THSD4: variants seen among roughly 807,000 people sequenced by gnomAD.
THSD4 encodes thrombospondin type-1 domain-containing protein 4.
In THSD4, 69 loss-of-function variants were observed where a neutral mutation model predicts 119.0. The ratio of observed to expected loss-of-function variants is 0.58; its 90% CI spans 0.48 to 0.71. The LOEUF is 0.71. Among genes scored for constraint, THSD4 ranks in the 30% least tolerant of loss-of-function variants. The pLI, the probability that THSD4 is intolerant of heterozygous loss-of-function variation, is 0.00. For synonymous variants in THSD4, 524 were observed against 540.4 expected (o/e 0.97, Z 0.42); for missense variants, 1,393 against 1,391.1 (o/e 1.00, Z -0.02).
chr15:71,777,686 C>T lies in THSD4; in HGVS notation c.*312C>T, dbSNP rs1158788329. 2 of 345,012 alleles carry T rather than the reference C, an allele frequency of 5.8e-6. No homozygotes were observed. The highest frequency in any genetic ancestry group is 4.1e-5 in the African/African-American group (2 of 48,336). 21.4% of individuals were successfully genotyped at this position (345,012 alleles called of 1,614,324 possible). ...TACATGGAGCTCTCAGCCCTGCTCCCATCTGGCACCTTCAAGTCAGCAGAT... is the reference window on the plus strand; with the variant it reads ...TACATGGAGCTCTCAGCCCTGCTCCTATCTGGCACCTTCAAGTCAGCAGAT... On this transcript the variant is annotated 3_prime_UTR_variant, in exon 18 of 18. Coordinates refer to ENST00000261862, the MANE Select transcript of THSD4 (RefSeq NM_024817.3).
At chr15:71,265,774 A>C (rs936631228) in intron 6 of THSD4, among the ~76,000 whole-genome samples, 1 of 151,792 alleles carries the variant, frequency 6.6e-6, no homozygotes, top group Admixed American at 6.6e-5. Context: ...GTGGGGGGGG[A>C]GGGGCATCTG....
intron 6 of THSD4, among the ~76,000 whole-genome samples, chr15:71,269,716 C>A (rs2044507230): frequency 6.6e-6 from 1 of 152,046 alleles, no homozygotes; most frequent in Non-Finnish European, 1.5e-5. Context: ...GTCTTAACCC[C>A]AAATCTCCTT....
chr15:71,735,470 CTT>C lies in THSD4; in HGVS notation c.1631-2260_1631-2259del, dbSNP rs1491523919. Among the ~76,000 whole-genome samples, 640 of 133,146 alleles carry C rather than the reference CTT, an allele frequency of 4.8e-3. 4 individuals are homozygous for C. Among genetic ancestry groups the C allele is most frequent in the East Asian group, 0.03 (128 of 4,322 alleles). 87.3% of individuals were successfully genotyped at this position (133,146 alleles called of 152,430 possible). A position where few individuals can be genotyped will look rare whatever the true frequency, so the allele number is the denominator to read the frequency against. On this transcript the variant is annotated intron_variant, in intron 10 of 17. Transcript: ENST00000261862. ...TTTCTCACTCTCTCTCTCTCTCTCT[CTT>C]TCTCACTAGCTCTCTGTCTTGCTCT... is the stretch of plus-strand genomic sequence containing the variant.
chr15:71,299,981 A>G (rs2044925834), intron 6 of THSD4, among the ~76,000 whole-genome samples: 1 of 81,650 alleles, frequency 1.2e-5, no homozygotes, highest in Non-Finnish European at 2.7e-5. Flanking sequence ...AAAAAAATAT[A>G]TATATATATA....
chr15:71,748,704 G>A (rs981145136), intron 14 of THSD4, 110 bp downstream of exon 14: 22 of 1,356,786 alleles, frequency 1.6e-5, no homozygotes, highest in Admixed American at 7.5e-5. Flanking sequence ...TTCTGGCTCT[G>A]GGGGGAAAAA....
intron 7 of THSD4, among the ~76,000 whole-genome samples, chr15:71,412,236 C>A (rs1289412371): frequency 6.6e-6 from 1 of 152,184 alleles, no homozygotes; most frequent in Non-Finnish European, 1.5e-5. Context: ...TGCCTCTCCC[C>A]AGAAGGGGCA....
chr15:71,486,634 T>A (rs75743912), intron 7 of THSD4, among the ~76,000 whole-genome samples: 38,413 of 124,812 alleles, frequency 0.31, 5,158 homozygotes, highest in African/African-American at 0.37. Flanking sequence ...TTTTTTTTTT[T>A]TTATTTCCCA....
At chr15:71,702,452 G>A (rs2141073470) in intron 8 of THSD4, among the ~76,000 whole-genome samples, 1 of 152,238 alleles carries the variant, frequency 6.6e-6, no homozygotes, top group South Asian at 2.1e-4. Flanking sequence ...GAGAAGGATG[G>A]TTAATAAATT....
At chr15:71,607,337 A>T (rs2140903697) in intron 7 of THSD4, among the ~76,000 whole-genome samples, 1 of 152,352 alleles carries the variant, frequency 6.6e-6, no homozygotes, top group East Asian at 1.9e-4. Context: ...AATGGATGGC[A>T]TTTGTAAATG....
intron 6 of THSD4, among the ~76,000 whole-genome samples, chr15:71,302,472 C>T (rs574378838): frequency 7.2e-5 from 11 of 152,082 alleles, no homozygotes; most frequent in Middle Eastern, 3.4e-3. Flanking sequence ...TGCTCAGAGC[C>T]GGCCCCATTT....
chr15:71,365,131 T>TGTGTGTGTGTGTGTGTG (rs2045941634), intron 6 of THSD4, among the ~76,000 whole-genome samples: 1 of 135,912 alleles, frequency 7.4e-6, no homozygotes, highest in Non-Finnish European at 1.6e-5. Flanking sequence ...GCCCCCCCCA[T>TGTGTGTGTGTGTGTGTG]TGTGTGTGTG....
At chr15:71,524,111 G>A (rs1036705631) in intron 7 of THSD4, among the ~76,000 whole-genome samples, 2 of 152,106 alleles carry the variant, frequency 1.3e-5, no homozygotes, top group Admixed American at 6.5e-5. Context: ...AATACTGCTC[G>A]ATGGCATCCA....
chr15:71,443,636 C>T (rs548521937), intron 7 of THSD4, among the ~76,000 whole-genome samples: 42 of 152,106 alleles, frequency 2.8e-4, no homozygotes, highest in Non-Finnish European at 5.0e-4. Context: ...CTTCCAGGTC[C>T]CCCTGCTGGG....
chr15:71,283,258 C>T (rs1327584968), intron 6 of THSD4, among the ~76,000 whole-genome samples: 4 of 152,118 alleles, frequency 2.6e-5, no homozygotes, highest in Admixed American at 6.5e-5. Context: ...CGTGAGCCAT[C>T]GCGCCCGGCC....
At chr15:71,388,178 A>G (rs553474185) in intron 6 of THSD4, among the ~76,000 whole-genome samples, 15 of 152,312 alleles carry the variant, frequency 9.8e-5, no homozygotes, top group East Asian at 1.9e-4. Context: ...GAAAGAGGCA[A>G]TCAGTTTGCG....
At chr15:71,681,678 A>G (rs567708569) in intron 8 of THSD4, among the ~76,000 whole-genome samples, 5 of 151,848 alleles carry the variant, frequency 3.3e-5, no homozygotes, top group Admixed American at 2.6e-4. Flanking sequence ...TCGTCTCAAA[A>G]AAAAAAAAAA....
intron 8 of THSD4, among the ~76,000 whole-genome samples, chr15:71,696,699 G>C (rs1322326975): frequency 6.6e-6 from 1 of 152,156 alleles, no homozygotes; most frequent in Non-Finnish European, 1.5e-5. Context: ...GGCATACCTT[G>C]AGGACAGAGA....
At chr15:71,765,441 T>A (rs905968037) in intron 16 of THSD4, among the ~76,000 whole-genome samples, 5 of 152,176 alleles carry the variant, frequency 3.3e-5, no homozygotes, top group African/African-American at 1.2e-4. Context: ...TCAGTGTGCA[T>A]AGGAATCATC....
chr15:71,434,997 C>G (rs574434956), intron 7 of THSD4, among the ~76,000 whole-genome samples: 12 of 152,052 alleles, frequency 7.9e-5, no homozygotes, highest in Admixed American at 7.2e-4. Flanking sequence ...CGGAGCCACC[C>G]GCTAAGACAG....
Sources: allele counts gnomAD v4.1 joint callset (sites outside exome capture counted in the v4.1 genomes callset), GRCh38; gene constraint gnomAD v4.1.1; transcripts MANE v1.5; gene names NCBI Gene and HGNC (gene_info 2026-07-23, HGNC 2026-07-21).